The following ABL1 variants were observed in gnomAD, a reference collection of about 807,000 sequenced individuals.
ABL1 encodes the protein ABL proto-oncogene 1, non-receptor tyrosine kinase.
Under a neutral mutation model 94.7 loss-of-function variants are expected in ABL1, and 11 were observed. That is an observed-to-expected ratio of 0.12 (90% CI 0.07 to 0.19). ABL1 has a LOEUF of 0.19. Ranked by LOEUF, ABL1 falls within the 10% of genes least tolerant of loss-of-function variation. ABL1 has a pLI of 1.00. For missense variants in ABL1, 1,082 were observed against 1,489.4 expected (o/e 0.73, Z 4.50); for synonymous variants, 656 against 622.4 (o/e 1.05, Z -0.80).
chr9:130,859,672 CTTTCCTTTT>C lies in ABL1; in HGVS notation c.550-3087_550-3079del, dbSNP rs1286783518. On this transcript the variant is annotated intron_variant, in intron 3 of 10. Coordinates refer to ENST00000318560, the MANE Select transcript of ABL1 (RefSeq NM_005157.6). ...AAAAGAAACGCTGTTTCTTTTCTTT[CTTTCCTTTT>C]TTTTTTTTTTTTTTTTTTTTTTTTT... Among the ~76,000 whole-genome samples, 23 of 86,576 alleles carry C rather than the reference CTTTCCTTTT, an allele frequency of 2.7e-4. 2 individuals are homozygous for C. The highest frequency in any genetic ancestry group is 9.8e-4 in the African/African-American group (21 of 21,322). 56.8% of individuals were successfully genotyped at this position (86,576 alleles called of 152,430 possible).
intron 1 of ABL1, among the ~76,000 whole-genome samples, chr9:130,799,175 G>A (rs922737551): frequency 1.3e-5 from 2 of 151,718 alleles, no homozygotes; most frequent in Non-Finnish European, 2.9e-5. Context: ...CTTCACTTAC[G>A]CCAGTATTTG....
chr9:130,876,016 C>T (rs1462520268), intron 7 of ABL1, among the ~76,000 whole-genome samples: 4 of 152,106 alleles, frequency 2.6e-5, no homozygotes, highest in Non-Finnish European at 4.4e-5. Flanking sequence ...TTAGTAGAGA[C>T]GGGGTTTTAC....
chr9:130,853,812 T>C (rs972726809), intron 1 of ABL1, among the ~76,000 whole-genome samples: 2 of 152,240 alleles, frequency 1.3e-5, no homozygotes, highest in Non-Finnish European at 2.9e-5. Context: ...TCCATGAATT[T>C]TAGAAGCTCA....
intron 1 of ABL1, among the ~76,000 whole-genome samples, chr9:130,827,784 A>AT (rs1050988636): frequency 1.3e-5 from 2 of 151,738 alleles, no homozygotes; most frequent in African/African-American, 4.8e-5. Context: ...AATCCCAGCT[A>AT]TTGGGAGGCT....
chr9:130,714,088 A>C (rs1005959436), exon 1 of ABL1: 3 of 404,910 alleles, frequency 7.4e-6, no homozygotes, highest in African/African-American at 6.1e-5. Context: ...CATTGCAATT[A>C]CATGAAATTG....
rs538889953 is a variant in ABL1 at position 130,862,805 on chromosome 9, T to G, written c.592T>G (p.Leu198Val). The G allele has an allele frequency of 2.4e-5, 39 of 1,612,716 alleles. No individual in the cohort carries two copies. The South Asian group carries it at 4.3e-4, about 18-fold the overall frequency. The change falls in exon 4 of 11, where the codon TTG becomes GTG. Residue 198 changes from leucine to valine, a missense_variant. Around this residue, in one of 7 missense-constraint regions of ABL1, gnomAD observed 22 missense variants for 23.0 expected, o/e 0.96. Transcript: ENST00000318560. The surrounding 1 kb of genome is among the most constrained non-coding windows in gnomAD (Gnocchi z 5.5). ...GAGCCGCTTCAACACCCTGGCCGAG[T>G]TGGTTCATCATCATTCAACGGTGGC... ...SESRFNTLAE[L>V]VHHHSTVADG...
At chr9:130,783,496 A>G (rs1160864257) in intron 1 of ABL1, among the ~76,000 whole-genome samples, 1 of 152,196 alleles carries the variant, frequency 6.6e-6, no homozygotes, top group Admixed American at 6.5e-5. Flanking sequence ...TTTGAATGTA[A>G]GTGGCTGTGA....
chr9:130,881,887 A>C lies in ABL1; in HGVS notation c.1678+1223A>C, dbSNP rs1045805755. On this transcript the variant is annotated intron_variant, in intron 10 of 10. Coordinates refer to ENST00000318560, the MANE Select transcript of ABL1 (RefSeq NM_005157.6). ...ACGTACTCTCATTAGTAAAAAAAAA[A>C]CAAAAAAAAACAGAACATGCAGCCC... Among the ~76,000 whole-genome samples the C allele has an allele frequency of 7.2e-5, 9 of 124,666 alleles. 1 individual carries two copies. The highest frequency in any genetic ancestry group is 2.9e-4 in the African/African-American group (8 of 27,760). 81.8% of individuals were successfully genotyped at this position (124,666 alleles called of 152,430 possible). A position where few individuals can be genotyped will look rare whatever the true frequency, so the allele number is the denominator to read the frequency against.
chr9:130,749,675 T>C (rs1195703053), intron 1 of ABL1, among the ~76,000 whole-genome samples: 1 of 152,206 alleles, frequency 6.6e-6, no homozygotes, highest in African/African-American at 2.4e-5. Context: ...ATGAGGCTGG[T>C]GATAGACTCT....
At chr9:130,850,817 A>C (rs768578608) in intron 1 of ABL1, among the ~76,000 whole-genome samples, 2 of 152,174 alleles carry the variant, frequency 1.3e-5, no homozygotes, top group African/African-American at 2.4e-5. Context: ...CCACATACCT[A>C]CATTTCAAAG....
intron 1 of ABL1, among the ~76,000 whole-genome samples, chr9:130,842,306 A>G (rs569465348): frequency 2.9e-4 from 44 of 152,354 alleles, no homozygotes; most frequent in South Asian, 1.9e-3. Context: ...GATTCAGTGC[A>G]GATGAAGTGC....
chr9:130,880,616 A>G lies in ABL1; in HGVS notation c.1630A>G (p.Thr544Ala). The change falls in exon 10 of 11, where the codon ACC (threonine) becomes GCC (alanine). Residue 544 changes from threonine to alanine, a missense_variant. Coordinates refer to ENST00000318560, the MANE Select transcript of ABL1 (RefSeq NM_005157.6). This position sits in a 1 kb window ranked among gnomAD's most constrained non-coding sequence, Gnocchi z 4.4. ...TSRRAAEHRD[T>A]TDVPEMPHSK... is the part of the protein sequence containing the mutation. ...CAGGAGAGCTGCAGAGCACAGAGAC[A>G]CCACTGACGTGCCTGAGATGCCTCA... 2 of 1,613,594 alleles carry G rather than the reference A, an allele frequency of 1.2e-6. No homozygotes were observed. Among genetic ancestry groups the G allele is most frequent in the Non-Finnish European group, 8.5e-7 (1 of 1,179,816 alleles).
At chr9:130,756,014 ATGACT>A (rs890699574) in intron 1 of ABL1, among the ~76,000 whole-genome samples, 2 of 152,198 alleles carry the variant, frequency 1.3e-5, no homozygotes, top group Admixed American at 6.5e-5. Flanking sequence ...TTAAAAAAAA[ATGACT>A]TGATAGCATA....
In ABL1 at chr9:130,858,636, C is replaced by T. The variant is rs79208311; in HGVS notation, c.549+3540C>T. ...GTTAGAGGGAGCTCCCACAGCTATG[C>T]GTGTGACCGTGTGGCTCGCCGCTGA... is the stretch of plus-strand genomic sequence containing the variant. On this transcript the variant is annotated intron_variant, in intron 3 of 10. Coordinates refer to ENST00000318560, the MANE Select transcript of ABL1 (RefSeq NM_005157.6). 7.0e-4 allele frequency among the ~76,000 whole-genome samples: 106 copies of T among 152,252 alleles called. No individual in the cohort carries two copies. The East Asian group carries it at 0.019, about 28-fold the overall frequency.
chr9:130,877,318 AT>A (rs747017875), intron 7 of ABL1, among the ~76,000 whole-genome samples: 10 of 148,320 alleles, frequency 6.7e-5, no homozygotes, highest in Non-Finnish European at 1.3e-4. Context: ...GGGAAATGGA[AT>A]TTTAAGGCAA....
chr9:130,875,739 T>G (rs1448977060), intron 7 of ABL1, among the ~76,000 whole-genome samples: 3 of 152,154 alleles, frequency 2.0e-5, no homozygotes, highest in African/African-American at 7.2e-5. Context: ...TAAGAGTGGA[T>G]CAGGGGAGAT....
rs1171736145 is a variant in ABL1, at chr9:130,862,239, C to T, written c.550-524C>T. ...TTGAGTACTTATTACATGTTGATTT[C>T]CTGTTCTCAACATTGGAATGAAGAC... On this transcript the variant is annotated intron_variant, in intron 3 of 10. Coordinates refer to ENST00000318560, the MANE Select transcript of ABL1 (RefSeq NM_005157.6). The surrounding 1 kb of genome is among the most constrained non-coding windows in gnomAD (Gnocchi z 5.5). Among the ~76,000 whole-genome samples the T allele has an allele frequency of 6.6e-6, 1 of 152,188 alleles. No homozygotes were observed. Among genetic ancestry groups the T allele is most frequent in the East Asian group, 1.9e-4 (1 of 5,200 alleles).
At chr9:130,881,662 G>A (rs957026688) in intron 10 of ABL1, among the ~76,000 whole-genome samples, 3 of 152,102 alleles carry the variant, frequency 2.0e-5, no homozygotes, top group African/African-American at 7.2e-5. Context: ...ATTTGGGTGG[G>A]GACTCAGCCA....
chr9:130,727,751 G>GCCC (rs60571093), intron 1 of ABL1, among the ~76,000 whole-genome samples: 1 of 88,210 alleles, frequency 1.1e-5, no homozygotes, highest in Non-Finnish European at 2.0e-5. Context: ...GTGAGACACC[G>GCCC]CCCCCCCCCC....
Sources: gnomAD v4.1 joint callset for allele counts (sites outside exome capture counted in the v4.1 genomes callset) on GRCh38, gnomAD v4.1.1 for gene constraint, gnomAD v4.1.1 regional missense constraint, Gnocchi (gnomAD v3.1) non-coding constraint, MANE v1.5 for transcripts, NCBI Gene and HGNC (gene_info 2026-07-23, HGNC 2026-07-21) for gene names.